Variants in AFF3 observed in about 807,000 individuals in gnomAD.
The protein encoded by AFF3 is ALF transcription elongation factor 3.
A neutral mutation model predicts 129.7 loss-of-function variants in AFF3; 32 were observed. The observed-to-expected ratio is 0.25, with a 90% CI of 0.19 to 0.33. The LOEUF is 0.33. Ranked by LOEUF, AFF3 falls within the 10% of genes least tolerant of loss-of-function variation. The pLI, the probability that AFF3 is intolerant of heterozygous loss-of-function variation, is 1.00. For synonymous variants in AFF3, 644 were observed against 635.4 expected, an observed-to-expected ratio of 1.01 and a Z score of -0.20; for missense variants, 1,373 against 1,592.0, an observed-to-expected ratio of 0.86 and a Z score of 2.34.
intron 7 of AFF3, among the ~76,000 whole-genome samples, chr2:99,882,599 G>A (rs1333034204): frequency 6.6e-6 from 1 of 152,210 alleles, no homozygotes; most frequent in African/African-American, 2.4e-5. Flanking sequence ...CATCTCTCTT[G>A]GAAGGTCTGG....
chr2:99,774,862 T>A (rs1683766480), intron 8 of AFF3, among the ~76,000 whole-genome samples: 1 of 151,954 alleles, frequency 6.6e-6, no homozygotes. Flanking sequence ...AGGTTTAACA[T>A]CCAGCATCTA....
chr2:99,594,778 T>C (rs1679124729), intron 14 of AFF3, among the ~76,000 whole-genome samples: 1 of 152,104 alleles, frequency 6.6e-6, no homozygotes, highest in Admixed American at 6.6e-5. Flanking sequence ...ATGATTTATG[T>C]GTTGAAGGCA....
chr2:99,567,134 ATTT>A (rs35594854), intron 19 of AFF3, among the ~76,000 whole-genome samples: 21 of 130,012 alleles, frequency 1.6e-4, no homozygotes, highest in South Asian at 5.0e-4. Context: ...CACCTGGCTC[ATTT>A]TTTTTTTTTT....
At chr2:99,857,894 T>C (rs1048633036) in intron 7 of AFF3, among the ~76,000 whole-genome samples, 5 of 152,052 alleles carry the variant, frequency 3.3e-5, no homozygotes, top group Non-Finnish European at 5.9e-5. Context: ...TAAAGAAAAA[T>C]AGCTGGTTTA....
intron 8 of AFF3, among the ~76,000 whole-genome samples, chr2:99,805,248 A>C (rs1190627281): frequency 6.6e-6 from 1 of 152,198 alleles, no homozygotes; most frequent in Non-Finnish European, 1.5e-5. Context: ...ATGTTACTTA[A>C]AAAAATAAAT....
intron 10 of AFF3, among the ~76,000 whole-genome samples, chr2:99,735,147 C>T (rs1575822252): frequency 6.6e-6 from 1 of 152,036 alleles, no homozygotes; most frequent in South Asian, 2.1e-4. Flanking sequence ...ATAGTCATTT[C>T]GTCTAGTTTT....
intron 8 of AFF3, among the ~76,000 whole-genome samples, chr2:99,830,229 G>GCATACCT (rs939979381): frequency 2.4e-4 from 37 of 151,970 alleles, no homozygotes; most frequent in African/African-American, 8.7e-4. Flanking sequence ...CATGGTACAT[G>GCATACCT]CATACCTATG....
intron 4 of AFF3, among the ~76,000 whole-genome samples, chr2:100,010,581 C>A (rs1249336420): frequency 6.6e-6 from 1 of 152,176 alleles, no homozygotes; most frequent in Non-Finnish European, 1.5e-5. Flanking sequence ...GGAGTCCAAC[C>A]AGTGACCTTC....
intron 7 of AFF3, among the ~76,000 whole-genome samples, chr2:99,928,170 A>G (rs1426648164): frequency 6.6e-6 from 1 of 152,210 alleles, no homozygotes; most frequent in African/African-American, 2.4e-5. Context: ...GTCTTTTATC[A>G]GCAGCGTGAA....
chr2:100,000,429 T>C (rs1681275783), intron 7 of AFF3, among the ~76,000 whole-genome samples: 1 of 152,124 alleles, frequency 6.6e-6, no homozygotes, highest in South Asian at 2.1e-4. Context: ...GTGATATTAA[T>C]CCAGGATAAT....
chr2:100,108,669 A>G (rs1159926386), intron 2 of AFF3, among the ~76,000 whole-genome samples: 5 of 152,142 alleles, frequency 3.3e-5, no homozygotes, highest in African/African-American at 1.2e-4. Context: ...AAAGGGGGCC[A>G]ATACCCCGGT....
chr2:99,587,186 C>T lies in AFF3; in HGVS notation c.2559G>A (p.Leu853=). 5 of 1,614,178 alleles carry T rather than the reference C, an allele frequency of 3.1e-6. No homozygotes were observed. Among genetic ancestry groups the T allele is most frequent in the Non-Finnish European group, 4.2e-6 (5 of 1,180,024 alleles). The change falls in exon 16 of 25, where the codon TTG becomes TTA. Residue 853 remains leucine (L), a synonymous_variant. Transcript: ENST00000672756. The part of the protein sequence containing the change: ...SRLATSTSNT[L]SANHCNMNIN... ...TGTTCATGTTGCAGTGGTTTGCAGA[C>T]AAAGTATTACTGGTGGAGGTGGCCA...
intron 4 of AFF3, among the ~76,000 whole-genome samples, chr2:100,048,050 G>C (rs1205664601): frequency 1.3e-5 from 2 of 152,156 alleles, no homozygotes; most frequent in Non-Finnish European, 2.9e-5. Context: ...TATACCTGCA[G>C]ATTACCCACA....
At chr2:100,109,664 T>G (rs1465599493) in intron 2 of AFF3, among the ~76,000 whole-genome samples, 2 of 152,214 alleles carry the variant, frequency 1.3e-5, no homozygotes, top group Non-Finnish European at 2.9e-5. Flanking sequence ...AGGACATAAC[T>G]AATCGTATCA....
At chr2:100,004,176 A>C (rs1319120505) in intron 7 of AFF3, among the ~76,000 whole-genome samples, 1 of 152,172 alleles carries the variant, frequency 6.6e-6, no homozygotes, top group African/African-American at 2.4e-5. Flanking sequence ...ACATCCTCAA[A>C]AACCATAGTC....
chr2:99,559,291 G>C (rs113512067), intron 21 of AFF3, among the ~76,000 whole-genome samples: 1 of 151,012 alleles, frequency 6.6e-6, no homozygotes, highest in Non-Finnish European at 1.5e-5. Flanking sequence ...CGAGAGGCGC[G>C]AGGTAGCTCT....
chr2:99,576,002 G>T (rs1053026601), intron 18 of AFF3, among the ~76,000 whole-genome samples: 1 of 151,984 alleles, frequency 6.6e-6, no homozygotes, highest in Non-Finnish European at 1.5e-5. Flanking sequence ...TTGAGGCCAG[G>T]AGTTCGAGAC....
chr2:99,659,546 C>T (rs1686043819), intron 12 of AFF3, among the ~76,000 whole-genome samples: 1 of 152,110 alleles, frequency 6.6e-6, no homozygotes, highest in Admixed American at 6.6e-5. Flanking sequence ...ATGGGCAGGT[C>T]TTTTCTAGAG....
intron 13 of AFF3, among the ~76,000 whole-genome samples, chr2:99,635,328 T>C (rs1220287836): frequency 6.6e-6 from 1 of 152,078 alleles, no homozygotes; most frequent in African/African-American, 2.4e-5. Flanking sequence ...CACAGGGTCT[T>C]GCTGCATCAC....
Sources: gnomAD v4.1 joint callset for allele counts (sites outside exome capture counted in the v4.1 genomes callset) on GRCh38, gnomAD v4.1.1 for gene constraint, MANE v1.5 for transcripts, NCBI Gene and HGNC (gene_info 2026-07-23, HGNC 2026-07-21) for gene names.